The following KCNB2 variants were observed in gnomAD, a reference collection of about 807,000 sequenced individuals.
The protein encoded by KCNB2 is potassium voltage-gated channel subfamily B member 2, also known as delayed rectifier potassium channel protein.
A neutral mutation model predicts 61.5 loss-of-function variants in KCNB2; 15 were observed. The ratio of observed to expected loss-of-function variants is 0.24; its 90% CI spans 0.16 to 0.38. The LOEUF (loss-of-function observed/expected upper bound fraction) is 0.38. Ranked by LOEUF, KCNB2 falls within the 10% of genes least tolerant of loss-of-function variation. The pLI, the probability that KCNB2 is intolerant of heterozygous loss-of-function variation, is 1.00. For missense variants in KCNB2, 828 were observed against 1,125.2 expected, an observed-to-expected ratio of 0.74 and a Z score of 3.78; for synonymous variants, 457 against 446.0, an observed-to-expected ratio of 1.02 and a Z score of -0.31.
In KCNB2 at chr8:72,866,612, CT is replaced by C. The variant is rs561448536; in HGVS notation, c.580-69319del. Among the ~76,000 whole-genome samples the C allele has an allele frequency of 1.3e-3, 193 of 152,228 alleles. 1 individual carries two copies. The highest frequency in any genetic ancestry group is 2.4e-3 in the Non-Finnish European group (164 of 68,018). On this transcript the variant is annotated intron_variant, in intron 2 of 2. Coordinates refer to ENST00000523207, the MANE Select transcript of KCNB2 (RefSeq NM_004770.3). The stretch of plus-strand genomic sequence containing the variant: ...TGTTTGAACACATTTCAGAACAATC[CT>C]TTTGGGAATACACGTTTGTCAAGGT...
rs1039332396 is a variant in KCNB2 at position 72,642,590 on chromosome 8, G to A, written c.579+74277G>A. ...TGTATCATTTGCACTCAGTGGTGGA[G>A]GTTGGAGGCAGGATAGTTGCAACAA... On this transcript the variant is annotated intron_variant, in intron 2 of 2. Transcript: ENST00000523207. Among the ~76,000 whole-genome samples, 9 of 152,074 alleles carry A rather than the reference G, an allele frequency of 5.9e-5. No homozygotes were observed. The South Asian group carries it at 1.7e-3, about 28-fold the overall frequency.
At chr8:72,682,782 GT>G (rs1233581993) in intron 2 of KCNB2, among the ~76,000 whole-genome samples, 1 of 151,862 alleles carries the variant, frequency 6.6e-6, no homozygotes, top group Non-Finnish European at 1.5e-5. Context: ...TTGTTGTTTT[GT>G]TTTGTAGAGA....
chr8:72,894,443 A>G (rs1460990835), intron 2 of KCNB2, among the ~76,000 whole-genome samples: 1 of 152,208 alleles, frequency 6.6e-6, no homozygotes, highest in Admixed American at 6.5e-5. Context: ...GAGGGATGCG[A>G]TTCAATTTAT....
intron 2 of KCNB2, among the ~76,000 whole-genome samples, chr8:72,687,275 T>C (rs1806867823): frequency 6.6e-6 from 1 of 152,200 alleles, no homozygotes; most frequent in South Asian, 2.1e-4. Context: ...TGGTGAGCAT[T>C]TTTTGGAACA....
At chr8:72,920,850 A>G (rs1383614585) in intron 2 of KCNB2, among the ~76,000 whole-genome samples, 2 of 152,138 alleles carry the variant, frequency 1.3e-5, no homozygotes, top group Non-Finnish European at 2.9e-5. Context: ...AACAGAATAC[A>G]AAAAGCAGTC....
intron 2 of KCNB2, among the ~76,000 whole-genome samples, chr8:72,711,141 A>G (rs1223498112): frequency 2.0e-5 from 3 of 152,228 alleles, no homozygotes; most frequent in Non-Finnish European, 4.4e-5. Context: ...CTCATGGCAG[A>G]GGAAAAGACA....
chr8:72,776,914 A>C (rs1203655276), intron 2 of KCNB2, among the ~76,000 whole-genome samples: 1 of 152,104 alleles, frequency 6.6e-6, no homozygotes, highest in Non-Finnish European at 1.5e-5. Flanking sequence ...ATGACTTTTG[A>C]GGTTCCTTCC....
At chr8:72,578,810 T>G (rs1806844640) in intron 2 of KCNB2, among the ~76,000 whole-genome samples, 1 of 152,202 alleles carries the variant, frequency 6.6e-6, no homozygotes, top group Non-Finnish European at 1.5e-5. Context: ...CCATCTTGGT[T>G]GAGTTGTTTG....
At chr8:72,581,559 A>G (rs554619842) in intron 2 of KCNB2, among the ~76,000 whole-genome samples, 1 of 152,338 alleles carries the variant, frequency 6.6e-6, no homozygotes, top group African/African-American at 2.4e-5. Context: ...CTCTGTGAGG[A>G]CTAAATAGCA....
At chr8:72,672,606 T>C (rs1477298680) in intron 2 of KCNB2, among the ~76,000 whole-genome samples, 2 of 152,138 alleles carry the variant, frequency 1.3e-5, no homozygotes, top group Non-Finnish European at 2.9e-5. Context: ...AAAGGTGTTT[T>C]TGATGTCTTG....
chr8:72,656,283 G>A (rs567109978), intron 2 of KCNB2, among the ~76,000 whole-genome samples: 23 of 152,254 alleles, frequency 1.5e-4, no homozygotes, highest in Non-Finnish European at 2.9e-4. Context: ...AAAAGGACAA[G>A]TGTCTTAAAG....
chr8:72,538,540 A>G (rs1184219295), intron 1 of KCNB2, among the ~76,000 whole-genome samples: 1 of 152,224 alleles, frequency 6.6e-6, no homozygotes, highest in Non-Finnish European at 1.5e-5. Context: ...ATTCATTCAT[A>G]AAAACTGTCA....
chr8:72,611,265 G>A (rs73303734), intron 2 of KCNB2, among the ~76,000 whole-genome samples: 3,907 of 152,232 alleles, frequency 0.026, 70 homozygotes, highest in South Asian at 0.079. Flanking sequence ...TTACAAGATA[G>A]ATACCTGTAT....
chr8:72,660,956 C>G (rs767854428), intron 2 of KCNB2: 6 of 152,158 alleles, frequency 3.9e-5, no homozygotes. Context: ...CTAATTTGAT[C>G]ATTAAGTGCA....
chr8:72,852,961 C>T (rs1243675270), intron 2 of KCNB2, among the ~76,000 whole-genome samples: 1 of 152,006 alleles, frequency 6.6e-6, no homozygotes, highest in Non-Finnish European at 1.5e-5. Context: ...TAAATTCTAC[C>T]CCTTCATGTG....
At chr8:72,745,876 G>A (rs572661147) in intron 2 of KCNB2, among the ~76,000 whole-genome samples, 37 of 152,072 alleles carry the variant, frequency 2.4e-4, no homozygotes, top group African/African-American at 7.5e-4. Context: ...ATCAGGCACC[G>A]GCTCAGAGGC....
intron 1 of KCNB2, among the ~76,000 whole-genome samples, chr8:72,565,731 T>C (rs970486423): frequency 3.9e-5 from 6 of 151,980 alleles, no homozygotes; most frequent in African/African-American, 1.4e-4. Flanking sequence ...TAAACACAGA[T>C]GCATTTTAAA....
At chr8:72,563,398 A>G in intron 1 of KCNB2, among the ~76,000 whole-genome samples, 1 of 152,168 alleles carries the variant, frequency 6.6e-6, no homozygotes, top group Non-Finnish European at 1.5e-5. Context: ...CCCTTTTATG[A>G]TCCCATATGA....
intron 2 of KCNB2, among the ~76,000 whole-genome samples, chr8:72,631,394 C>T (rs1805879412): frequency 6.6e-6 from 1 of 152,182 alleles, no homozygotes; most frequent in Non-Finnish European, 1.5e-5. Context: ...GGTTTGCTGG[C>T]AATCCTTAAC....
Sources: allele counts gnomAD v4.1 joint callset (sites outside exome capture counted in the v4.1 genomes callset), GRCh38; gene constraint gnomAD v4.1.1; transcripts MANE v1.5; gene names NCBI Gene and HGNC (gene_info 2026-07-23, HGNC 2026-07-21).